ARHGAP32: variants seen among roughly 807,000 people sequenced by gnomAD.
The protein encoded by ARHGAP32 is rho GTPase-activating protein 32.
Under a neutral mutation model 186.5 loss-of-function variants are expected in ARHGAP32, and 51 were observed. That is an observed-to-expected ratio of 0.27 (90% confidence interval 0.22 to 0.35). ARHGAP32 has a LOEUF of 0.35. ARHGAP32 is among the 10% of genes least tolerant of loss of function. The probability of loss-of-function intolerance (pLI) is 1.00; values close to 1 mark genes in which losing one functional copy is unlikely to be tolerated. For missense variants in ARHGAP32, 2,186 were observed against 2,623.5 expected, an observed-to-expected ratio of 0.83 and a Z score of 3.64; for synonymous variants, 950 against 964.3, an observed-to-expected ratio of 0.99 and a Z score of 0.27.
At chr11:129,167,143 T>C (rs1317018475) in intron 1 of ARHGAP32, among the ~76,000 whole-genome samples, 1 of 151,908 alleles carries the variant, frequency 6.6e-6, no homozygotes, top group Non-Finnish European at 1.5e-5. Context: ...GAAGAAATAA[T>C]AAAACAAGGC....
At chr11:129,094,782 G>A (rs1308373987) in intron 5 of ARHGAP32, among the ~76,000 whole-genome samples, 2 of 152,032 alleles carry the variant, frequency 1.3e-5, no homozygotes, top group African/African-American at 2.4e-5. Flanking sequence ...TTGCAAACGC[G>A]GTCCCAGAGA....
chr11:128,973,372 G>A lies in ARHGAP32; in HGVS notation c.3134C>T (p.Pro1045Leu). 1 of 1,614,062 alleles carries A rather than the reference G, an allele frequency of 6.2e-7. No individual in the cohort carries two copies. The highest frequency in any genetic ancestry group is 8.5e-7 in the Non-Finnish European group (1 of 1,180,004). ...SVPVSSVSLI[P>L]PPPPPKNVAR... is the part of the protein sequence containing the mutation. ...AACATTTTTCGGAGGCGGTGGTGGT[G>A]GGATAAGAGAGACTGAACTGACAGG... is the stretch of plus-strand genomic sequence containing the variant. Residue 1045 changes from proline (P) to leucine (L), a missense_variant, in exon 22 of 23, where the codon CCA (proline) becomes CTA (leucine). By Grantham distance (98) the Pro-to-Leu change is moderately conservative (BLOSUM62 -3). This residue lies in a region of ARHGAP32 where 1,502 missense variants were observed against 1,570.0 expected (regional missense o/e 0.96). Coordinates refer to ENST00000682385, the MANE Select transcript of ARHGAP32 (RefSeq NM_001378024.1).
At chr11:129,085,938 G>T (rs1941374820) in intron 6 of ARHGAP32, among the ~76,000 whole-genome samples, 2 of 151,248 alleles carry the variant, frequency 1.3e-5, no homozygotes. Flanking sequence ...AGCTTGCAGT[G>T]AGCTGAGATC....
At chr11:129,061,808 C>T (rs919145487) in intron 10 of ARHGAP32, among the ~76,000 whole-genome samples, 4 of 152,014 alleles carry the variant, frequency 2.6e-5, no homozygotes, top group South Asian at 2.1e-4. Context: ...AAAGGGAAAC[C>T]GTAGATAAGG....
In ARHGAP32 at chr11:129,236,074, G is replaced by A. The variant is rs182038887; in HGVS notation, c.-5+43072C>T. Among the ~76,000 whole-genome samples the A allele has an allele frequency of 7.9e-5, 12 of 152,146 alleles. No individual in the cohort carries two copies. In the East Asian group the frequency reaches 1.7e-3, roughly 22 times the overall value. ...TTCGAATAATGACTTCTTTTCCTCCGGGTAGATACCTAGTAGTGGGATTGC... is the reference window on the plus strand; with the variant it reads ...TTCGAATAATGACTTCTTTTCCTCCAGGTAGATACCTAGTAGTGGGATTGC... On this transcript the variant is annotated intron_variant, in intron 1 of 6. Coordinates refer to the ARHGAP32 transcript ENST00000525234.
intron 6 of ARHGAP32, among the ~76,000 whole-genome samples, chr11:129,092,849 T>C (rs1395883776): frequency 1.3e-5 from 2 of 152,000 alleles, no homozygotes; most frequent in African/African-American, 4.8e-5. Context: ...AAACTTTGTA[T>C]AGAAGAAAGC....
chr11:129,173,110 C>T (rs1386776238), intron 1 of ARHGAP32, among the ~76,000 whole-genome samples: 1 of 151,436 alleles, frequency 6.6e-6, no homozygotes, highest in Non-Finnish European at 1.5e-5. Flanking sequence ...CAAACAGACA[C>T]AATAAAAAAT....
Position 128,971,170 on chromosome 11 carries a change from A to G in ARHGAP32, c.4054-11T>C, listed in dbSNP as rs1945359726. The G allele has an allele frequency of 1.3e-6, 2 of 1,592,826 alleles. No individual in the cohort carries two copies. Among genetic ancestry groups the G allele is most frequent in the South Asian group, 2.2e-5 (2 of 89,342 alleles). ...AACTACTCCTTGAACCTATTGAAAG[A>G]TGATAATACTATGGGTCTATTTTTT... On this transcript the variant is annotated splice_polypyrimidine_tract_variant and intron_variant, in intron 22 of 22. Coordinates refer to ENST00000682385, the MANE Select transcript of ARHGAP32 (RefSeq NM_001378024.1).
chr11:129,049,803 A>G (rs2135071642), intron 10 of ARHGAP32, among the ~76,000 whole-genome samples: 1 of 152,254 alleles, frequency 6.6e-6, no homozygotes, highest in Non-Finnish European at 1.5e-5. Flanking sequence ...GGTCGTTTCC[A>G]GTTTTAAACT....
At chr11:129,134,017 A>C (rs567282246) in intron 2 of ARHGAP32, among the ~76,000 whole-genome samples, 1 of 152,322 alleles carries the variant, frequency 6.6e-6, no homozygotes, top group South Asian at 2.1e-4. Flanking sequence ...TAGGATTTCT[A>C]CATTCTACTT....
intron 1 of ARHGAP32, among the ~76,000 whole-genome samples, chr11:129,227,880 C>T (rs879616053): frequency 1.2e-4 from 18 of 152,080 alleles, no homozygotes; most frequent in Non-Finnish European, 2.1e-4. Context: ...GTAAATCAAC[C>T]TGACCTAACA....
At chr11:129,085,731 C>A (rs181721170) in intron 6 of ARHGAP32, among the ~76,000 whole-genome samples, 1 of 152,040 alleles carries the variant, frequency 6.6e-6, no homozygotes, top group Non-Finnish European at 1.5e-5. Flanking sequence ...AGGCTGGGTG[C>A]GGTGGCTCAT....
intron 6 of ARHGAP32, among the ~76,000 whole-genome samples, chr11:129,089,726 A>G (rs1324950460): frequency 2.0e-5 from 3 of 152,228 alleles, no homozygotes; most frequent in African/African-American, 7.2e-5. Flanking sequence ...TACATTTTAT[A>G]CCATTCTGGC....
chr11:128,972,298 C>T, intron 22 of ARHGAP32, 155 bp downstream of exon 22: 1 of 793,182 alleles, frequency 1.3e-6, no homozygotes, highest in Non-Finnish European at 1.8e-6. Flanking sequence ...TAATGGCAGA[C>T]TCCAACCTCA....
intron 1 of ARHGAP32, among the ~76,000 whole-genome samples, chr11:129,212,943 TAAAC>T (rs1381733292): frequency 6.6e-6 from 1 of 151,610 alleles, no homozygotes; most frequent in African/African-American, 2.4e-5. Context: ...TTCATATAAA[TAAAC>T]AAACCTTATT....
chr11:129,257,808 G>A (rs1252742920), intron 1 of ARHGAP32, among the ~76,000 whole-genome samples: 1 of 150,574 alleles, frequency 6.6e-6, no homozygotes, highest in African/African-American at 2.4e-5. Context: ...TACCCCTTCT[G>A]ACCCAAAGCA....
chr11:129,221,320 C>T (rs1170521744), intron 1 of ARHGAP32, among the ~76,000 whole-genome samples: 1 of 152,056 alleles, frequency 6.6e-6, no homozygotes, highest in African/African-American at 2.4e-5. Flanking sequence ...GTCAATTAAA[C>T]ATCACAAACT....
intron 2 of ARHGAP32, among the ~76,000 whole-genome samples, chr11:129,134,579 C>T (rs1942894691): frequency 6.6e-6 from 1 of 151,904 alleles, no homozygotes; most frequent in Non-Finnish European, 1.5e-5. Flanking sequence ...TTTAAAATTC[C>T]AACTATAATA....
At chr11:129,093,838 T>A (rs370299301) in intron 5 of ARHGAP32, 131 bp from the exon 6 acceptor site, 36 of 653,890 alleles carry the variant, frequency 5.5e-5, no homozygotes, top group East Asian at 3.3e-4. Context: ...ATATCTTATA[T>A]GAGAACTTCA....
Sources: gnomAD v4.1 joint callset for allele counts (sites outside exome capture counted in the v4.1 genomes callset) on GRCh38, gnomAD v4.1.1 for gene constraint, gnomAD v4.1.1 regional missense constraint, MANE v1.5 for transcripts, NCBI Gene and HGNC (gene_info 2026-07-23, HGNC 2026-07-21) for gene names.